TCF4: variants seen among roughly 807,000 people sequenced by gnomAD.
TCF4 encodes the protein transcription factor 4.
A neutral mutation model predicts 82.1 loss-of-function variants in TCF4; 3 were observed. That is an observed-to-expected ratio of 0.04 (90% confidence interval 0.02 to 0.09). TCF4 has a LOEUF of 0.09. TCF4 is among the 10% of genes least tolerant of loss of function. The probability of loss-of-function intolerance (pLI) is 1.00; values close to 1 mark genes in which losing one functional copy is unlikely to be tolerated. For synonymous variants in TCF4, 276 were observed against 309.6 expected (o/e 0.89, Z 1.14); for missense variants, 518 against 852.7 (o/e 0.61, Z 4.89).
At chr18:55,377,886 G>C (rs2091134430) in intron 6 of TCF4, among the ~76,000 whole-genome samples, 1 of 152,238 alleles carries the variant, frequency 6.6e-6, no homozygotes, top group African/African-American at 2.4e-5. Flanking sequence ...CTACTTTGTA[G>C]CTCTAGAAAA....
At chr18:55,465,821 C>T (rs191953592) in intron 3 of TCF4, among the ~76,000 whole-genome samples, 1 of 152,216 alleles carries the variant, frequency 6.6e-6, no homozygotes, top group East Asian at 1.9e-4. Flanking sequence ...AAAAGTCTGG[C>T]GCATCTTGAC....
At chr18:55,394,981 A>T (rs904724296) in intron 6 of TCF4, among the ~76,000 whole-genome samples, 5 of 152,210 alleles carry the variant, frequency 3.3e-5, no homozygotes, top group Non-Finnish European at 5.9e-5. Context: ...TAATAAGTCC[A>T]TTACTTCAGA....
intron 8 of TCF4, among the ~76,000 whole-genome samples, chr18:55,348,726 A>C (rs1020195492): frequency 6.6e-6 from 1 of 152,162 alleles, no homozygotes; most frequent in Non-Finnish European, 1.5e-5. Flanking sequence ...CACTCCTTAG[A>C]AATTGTCTAG....
rs557213932 is a variant in TCF4 at position 55,402,739 on chromosome 18, G to A, written c.369+715C>T. On this transcript the variant is annotated intron_variant, in intron 6 of 19. Coordinates refer to ENST00000354452, the MANE Select transcript of TCF4 (RefSeq NM_001083962.2). ...AACAAAGCTTATACTTTTAGCTATT[G>A]ACAGTATTTTTAGAAATAGGCTCTC... is the stretch of plus-strand genomic sequence containing the variant. Among the ~76,000 whole-genome samples the A allele has an allele frequency of 5.3e-5, 8 of 152,284 alleles. No individual in the cohort carries two copies. The South Asian group carries it at 1.4e-3, about 28-fold the overall frequency.
At chr18:55,410,752 A>G (rs1186248324) in intron 5 of TCF4, among the ~76,000 whole-genome samples, 3 of 152,110 alleles carry the variant, frequency 2.0e-5, no homozygotes, top group African/African-American at 7.2e-5. Context: ...TTGCCTTCTC[A>G]CTACCGTAAT....
At chr18:55,511,838 T>G (rs1346065747) in intron 3 of TCF4, among the ~76,000 whole-genome samples, 1 of 152,152 alleles carries the variant, frequency 6.6e-6, no homozygotes, top group Non-Finnish European at 1.5e-5. Flanking sequence ...TAATGTAACT[T>G]GCACTTAGGC....
chr18:55,455,179 C>CAAAAAAAAAAAAAAAAAAA (rs35889370), intron 5 of TCF4, among the ~76,000 whole-genome samples: 10 of 67,470 alleles, frequency 1.5e-4, no homozygotes, highest in African/African-American at 2.2e-4. Context: ...GACTCTGTCT[C>CAAAAAAAAAAAAAAAAAAA]AAAAAAAAAA....
At chr18:55,398,298 C>T (rs1272734149) in intron 6 of TCF4, among the ~76,000 whole-genome samples, 1 of 152,202 alleles carries the variant, frequency 6.6e-6, no homozygotes, top group Non-Finnish European at 1.5e-5. Flanking sequence ...GACATATATA[C>T]TGCAAACTCA....
intron 6 of TCF4, among the ~76,000 whole-genome samples, chr18:55,356,589 G>C (rs1458075625): frequency 6.6e-6 from 1 of 152,078 alleles, no homozygotes; most frequent in Non-Finnish European, 1.5e-5. Flanking sequence ...TAAGAAATGT[G>C]TTATATGCGA....
intron 2 of TCF4, among the ~76,000 whole-genome samples, chr18:55,621,992 ATAT>A (rs1293655483): frequency 7.7e-6 from 1 of 129,570 alleles, no homozygotes; most frequent in Non-Finnish European, 1.5e-5. Context: ...TATACACTAT[ATAT>A]TATATATACA....
At chr18:55,471,854 C>T (rs967399645) in intron 3 of TCF4, among the ~76,000 whole-genome samples, 3 of 151,914 alleles carry the variant, frequency 2.0e-5, no homozygotes, top group Non-Finnish European at 1.5e-5. Context: ...CTGGCTTTCT[C>T]AGAGCTAATG....
chr18:55,344,383 T>C (rs1458197498), intron 8 of TCF4, among the ~76,000 whole-genome samples: 1 of 152,178 alleles, frequency 6.6e-6, no homozygotes, highest in African/African-American at 2.4e-5. Context: ...AGAAAAAGGT[T>C]TTATTTTCAA....
intron 1 of TCF4, among the ~76,000 whole-genome samples, chr18:55,587,646 G>A (rs906243090): frequency 6.6e-6 from 1 of 151,660 alleles, no homozygotes; most frequent in South Asian, 2.1e-4. Flanking sequence ...TTTCAAAGTA[G>A]CTATCAAGAA....
At chr18:55,631,465 TG>T in intron 1 of TCF4, 1 of 1,456,684 alleles carries the variant, frequency 6.9e-7, no homozygotes, top group Admixed American at 2.0e-5. Flanking sequence ...ACTGGTAGTC[TG>T]GGGAAGAAAT....
intron 5 of TCF4, among the ~76,000 whole-genome samples, chr18:55,421,284 G>T (rs922460695): frequency 2.6e-5 from 4 of 152,068 alleles, no homozygotes; most frequent in Admixed American, 1.3e-4. Flanking sequence ...ATAAAATTCT[G>T]TTTCTTGGAA....
chr18:55,363,172 T>C (rs373890485), intron 6 of TCF4, among the ~76,000 whole-genome samples: 1 of 152,122 alleles, frequency 6.6e-6, no homozygotes, highest in African/African-American at 2.4e-5. Flanking sequence ...TGAGAATATA[T>C]ACATTTTAAA....
At chr18:55,249,807 A>G (rs1231102869) in intron 15 of TCF4, among the ~76,000 whole-genome samples, 6 of 152,206 alleles carry the variant, frequency 3.9e-5, no homozygotes, top group Non-Finnish European at 8.8e-5. Flanking sequence ...ACCAACAAAT[A>G]AACGGGAACA....
At chr18:55,255,419 C>A (rs1053612635) in intron 14 of TCF4, among the ~76,000 whole-genome samples, 1 of 152,090 alleles carries the variant, frequency 6.6e-6, no homozygotes, top group East Asian at 1.9e-4. Context: ...GTTCAAAGCC[C>A]CAACTATAGC....
intron 15 of TCF4, among the ~76,000 whole-genome samples, chr18:55,244,484 A>G (rs1333628592): frequency 6.6e-6 from 1 of 152,184 alleles, no homozygotes; most frequent in African/African-American, 2.4e-5. Context: ...AGGGCTGGCT[A>G]TGTTCAAAAA....
Sources: allele counts gnomAD v4.1 joint callset (sites outside exome capture counted in the v4.1 genomes callset), GRCh38; gene constraint gnomAD v4.1.1; transcripts MANE v1.5; gene names NCBI Gene and HGNC (gene_info 2026-07-23, HGNC 2026-07-21).